HIP1: variants seen among roughly 807,000 people sequenced by gnomAD.
HIP1 encodes the protein huntingtin-interacting protein 1.
A neutral mutation model predicts 147.6 loss-of-function variants in HIP1; 65 were observed. That is an observed-to-expected ratio of 0.44 (90% CI 0.36 to 0.54). The LOEUF (loss-of-function observed/expected upper bound fraction) is 0.54. Ranked by LOEUF, HIP1 falls within the 20% of genes least tolerant of loss-of-function variation. The probability of loss-of-function intolerance (pLI) is 0.00; values close to 1 mark genes in which losing one functional copy is unlikely to be tolerated. For missense variants in HIP1, 1,061 were observed against 1,299.6 expected, an observed-to-expected ratio of 0.82 and a Z score of 2.82; for synonymous variants, 479 against 504.0, an observed-to-expected ratio of 0.95 and a Z score of 0.67.
intron 5 of HIP1, among the ~76,000 whole-genome samples, chr7:75,586,352 A>G (rs237230): frequency 0.1 from 15,531 of 151,954 alleles, 905 homozygotes; most frequent in South Asian, 0.16. Flanking sequence ...ACAGGCATGC[A>G]TCACCACCAT....
At chr7:75,616,085 CAAAAAAAAAAA>C (rs71098042) in intron 1 of HIP1, among the ~76,000 whole-genome samples, 2 of 35,322 alleles carry the variant, frequency 5.7e-5, no homozygotes, top group South Asian at 2.7e-3. Context: ...GACTCTGTCT[CAAAAAAAAAAA>C]AAAAAAAAAA....
chr7:75,684,397 G>A (rs973217923), intron 1 of HIP1, among the ~76,000 whole-genome samples: 1 of 141,100 alleles, frequency 7.1e-6, no homozygotes, highest in African/African-American at 2.7e-5. Flanking sequence ...GCAGTAAGCC[G>A]AGATTGCATC....
chr7:75,641,836 T>G (rs1554510549), intron 1 of HIP1, among the ~76,000 whole-genome samples: 1 of 152,226 alleles, frequency 6.6e-6, no homozygotes, highest in East Asian at 1.9e-4. Context: ...CTAATGGTTC[T>G]ACCTCCACTG....
At chr7:75,599,378 T>G in intron 1 of HIP1, 131 bp from the exon 2 acceptor site, 1 of 698,768 alleles carries the variant, frequency 1.4e-6, no homozygotes. Flanking sequence ...GGGTGGTCGG[T>G]TCCTCTGCAG....
At position 75,568,298 on chromosome 7, in the gene HIP1, G is replaced by A. The variant is rs782776822; in HGVS notation, c.746-42C>T. ...AGAGTGTGAGAGGGGAGGGGGACCA[G>A]AGGGCAGGGAAGCCACAGCGGGGCT... On this transcript the variant is annotated intron_variant, in intron 8 of 30. Coordinates refer to ENST00000336926, the MANE Select transcript of HIP1 (RefSeq NM_005338.7). This position sits in a 1 kb window ranked among gnomAD's most constrained non-coding sequence, Gnocchi z 4.1. The A allele has an allele frequency of 7.2e-7, 1 of 1,388,388 alleles. No homozygotes were observed. The highest frequency in any genetic ancestry group is 1.2e-5 in the South Asian group (1 of 86,550). 86.0% of individuals were successfully genotyped at this position (1,388,388 alleles called of 1,614,324 possible).
rs1554493814 is a variant in HIP1, at chr7:75,558,164, T to C, written c.1464+3A>G. ...GGATGGTGACAGGGGCTGAGGGTCT[T>C]ACCTTCCGCAGCAGGTCAGCGTGGT... On this transcript the variant is annotated splice_donor_region_variant and intron_variant, in intron 15 of 30. Coordinates refer to ENST00000336926, the MANE Select transcript of HIP1 (RefSeq NM_005338.7). 6.2e-7 allele frequency: 1 copy of C among 1,612,554 alleles called. No individual in the cohort carries two copies. The highest frequency in any genetic ancestry group is 1.1e-5 in the South Asian group (1 of 91,036).
chr7:75,726,735 G>A (rs1478878102), intron 1 of HIP1, among the ~76,000 whole-genome samples: 1 of 139,448 alleles, frequency 7.2e-6, no homozygotes, highest in Non-Finnish European at 1.5e-5. Flanking sequence ...ACAGAGTCTC[G>A]CTCTGTCCAC....
Position 75,575,455 on chromosome 7 carries a change from A to G in HIP1, c.605-1554T>C, listed in dbSNP as rs933537095. On this transcript the variant is annotated intron_variant, in intron 7 of 30. Transcript: ENST00000336926. ...AGCCTGGGTGACAGAGTGAGACTCCATCTCAAAAGAAACCAAACCAAAACA... is the reference window on the plus strand; with the variant it reads ...AGCCTGGGTGACAGAGTGAGACTCCGTCTCAAAAGAAACCAAACCAAAACA... Among the ~76,000 whole-genome samples the G allele has an allele frequency of 3.3e-5, 5 of 152,302 alleles. No homozygotes were observed. The South Asian group carries it at 6.2e-4, about 19-fold the overall frequency.
chr7:75,704,683 A>G (rs1554519512), intron 1 of HIP1, among the ~76,000 whole-genome samples: 1 of 152,200 alleles, frequency 6.6e-6, no homozygotes, highest in South Asian at 2.1e-4. Flanking sequence ...CCCAGGTTCA[A>G]GCGATCCTCC....
chr7:75,585,976 G>A (rs1013909286), intron 5 of HIP1, among the ~76,000 whole-genome samples: 7 of 151,712 alleles, frequency 4.6e-5, no homozygotes, highest in East Asian at 1.9e-4. Flanking sequence ...TACCACGCCC[G>A]GCTAATTTTT....
Position 75,556,613 on chromosome 7 carries a change from G to A in HIP1, c.1683+97C>T. The A allele has an allele frequency of 7.7e-6, 6 of 774,850 alleles. No individual in the cohort carries two copies. The South Asian group carries it at 8.9e-5, about 11-fold the overall frequency. The allele number at this position is 774,850 out of a possible 1,614,324, so 48.0% of individuals were successfully genotyped here. A position where few individuals can be genotyped will look rare whatever the true frequency, so the allele number is the denominator to read the frequency against. On this transcript the variant is annotated intron_variant, in intron 17 of 30. Coordinates refer to ENST00000336926, the MANE Select transcript of HIP1 (RefSeq NM_005338.7). ...GTGGGGAGGATCACCTGAGCCCAGG[G>A]AGGTGGAGGCTGCAGTGAGCTGCGA...
intron 1 of HIP1, among the ~76,000 whole-genome samples, chr7:75,611,248 C>G (rs1182781844): frequency 6.6e-6 from 1 of 151,808 alleles, no homozygotes; most frequent in Admixed American, 6.6e-5. Context: ...GGGCGGATTA[C>G]TTGAGGTTCG....
chr7:75,554,178 A>G lies in HIP1; in HGVS notation c.2093T>C (p.Leu698Ser). Residue 698 changes from leucine (L) to serine (S), a missense_variant, in exon 21 of 31, where the codon TTG becomes TCG. Leu to Ser is a moderately radical substitution (Grantham distance 145). This residue lies in a region of HIP1 where 810 missense variants were observed against 946.8 expected (regional missense o/e 0.86). Coordinates refer to ENST00000336926, the MANE Select transcript of HIP1 (RefSeq NM_005338.7). ...ACCATGAGCAATGGCGTCGCTGGTCAAGTGGGCCAGCAGGGTTATGGAATG... is the reference window on the plus strand; with the variant it reads ...ACCATGAGCAATGGCGTCGCTGGTCGAGTGGGCCAGCAGGGTTATGGAATG... Reference protein sequence around the residue: ...LLHSITLLAHLTSDAIAHGAT... With the variant: ...LLHSITLLAHSTSDAIAHGAT... 1 of 1,614,100 alleles carries G rather than the reference A, an allele frequency of 6.2e-7. No homozygotes were observed. Among genetic ancestry groups the G allele is most frequent in the African/African-American group, 1.3e-5 (1 of 75,070 alleles).
chr7:75,631,581 T>C (rs1354865305), intron 1 of HIP1, among the ~76,000 whole-genome samples: 5 of 152,012 alleles, frequency 3.3e-5, no homozygotes, highest in African/African-American at 9.7e-5. Flanking sequence ...CCCTGACCCC[T>C]CTCTACCTGC....
intron 1 of HIP1, among the ~76,000 whole-genome samples, chr7:75,734,295 A>G (rs1801943287): frequency 6.8e-6 from 1 of 147,562 alleles, no homozygotes; most frequent in Non-Finnish European, 1.5e-5. Context: ...TAAATTTTAA[A>G]GATCAGCTAA....
chr7:75,650,377 CCTTG>C (rs1223314487), intron 1 of HIP1, among the ~76,000 whole-genome samples: 1 of 151,920 alleles, frequency 6.6e-6, no homozygotes, highest in African/African-American at 2.4e-5. Context: ...GAGCTGCCAG[CCTTG>C]TACTGGGGAG....
chr7:75,614,519 C>T (rs1554505591), intron 1 of HIP1, among the ~76,000 whole-genome samples: 1 of 88,138 alleles, frequency 1.1e-5, no homozygotes. Context: ...ATGGGCAGAT[C>T]CATAGAGACA....
At chr7:75,686,389 C>T (rs1312951116) in intron 1 of HIP1, among the ~76,000 whole-genome samples, 3 of 152,082 alleles carry the variant, frequency 2.0e-5, no homozygotes, top group Non-Finnish European at 4.4e-5. Context: ...CTTTAATACA[C>T]TCGGAATTTA....
intron 2 of HIP1, among the ~76,000 whole-genome samples, chr7:75,595,229 TTTCTTTCTTTC>T (rs1563230110): frequency 9.3e-6 from 1 of 107,208 alleles, no homozygotes; most frequent in South Asian, 3.3e-4. Context: ...TCTTTCTTTC[TTTCTTTCTTTC>T]TTTCTTTCTT....
Sources: allele counts gnomAD v4.1 joint callset (sites outside exome capture counted in the v4.1 genomes callset), GRCh38; gene constraint gnomAD v4.1.1; regional missense constraint gnomAD v4.1.1; non-coding constraint Gnocchi (gnomAD v3.1); transcripts MANE v1.5; gene names NCBI Gene and HGNC (gene_info 2026-07-23, HGNC 2026-07-21).